The following RCC2 variants were observed in gnomAD, a reference collection of about 807,000 sequenced individuals.
The protein encoded by RCC2 is protein RCC2.
RCC2 carries 19 observed loss-of-function variants against 64.1 expected under a neutral mutation model. The ratio of observed to expected loss-of-function variants is 0.30; its 90% CI spans 0.21 to 0.44. The LOEUF is 0.44. Among genes scored for constraint, RCC2 ranks in the 20% least tolerant of loss-of-function variants. The pLI, the probability that RCC2 is intolerant of heterozygous loss-of-function variation, is 1.00. For missense variants in RCC2, 508 were observed against 710.4 expected, an observed-to-expected ratio of 0.72 and a Z score of 3.24; for synonymous variants, 325 against 279.6, an observed-to-expected ratio of 1.16 and a Z score of -1.62.
At chr1:17,413,905 T>G (rs929623353) in intron 8 of RCC2, among the ~76,000 whole-genome samples, 188 bp from the exon 9 acceptor site, 1 of 152,138 alleles carries the variant, frequency 6.6e-6, no homozygotes, top group Non-Finnish European at 1.5e-5. Context: ...CCAAGGTGGG[T>G]GGATCACTTG....
At chr1:17,416,457 A>T in intron 8 of RCC2, 23 bp downstream of exon 8, 1 of 1,596,100 alleles carries the variant, frequency 6.3e-7, no homozygotes, top group South Asian at 1.1e-5. Context: ...GACTCTCAGG[A>T]AGTGAGAAAA....
intron 10 of RCC2, among the ~76,000 whole-genome samples, chr1:17,412,787 C>A (rs556794176): frequency 6.6e-6 from 1 of 152,364 alleles, no homozygotes; most frequent in East Asian, 1.9e-4. Flanking sequence ...TTTCAACCTG[C>A]AGCGTAGGAA....
At position 17,414,579 on chromosome 1, in the gene RCC2, A is replaced by C. The variant is rs961059472; in HGVS notation, c.1027-862T>G. 3.3e-5 allele frequency among the ~76,000 whole-genome samples: 5 copies of C among 151,606 alleles called. No individual in the cohort carries two copies. In the East Asian group the frequency reaches 7.7e-4, roughly 23 times the overall value. ...AAAAAAAAAACACAACAAAAAAAAA[A>C]CAGATTCAATTGCAGAAAGAACAGA... On this transcript the variant is annotated intron_variant, in intron 8 of 12. Transcript: ENST00000375436.
chr1:17,416,079 G>GC (rs1491239504), intron 8 of RCC2, among the ~76,000 whole-genome samples: 34 of 13,022 alleles, frequency 2.6e-3, no homozygotes, highest in African/African-American at 6.7e-3. Context: ...AAAAAAAAAA[G>GC]GGGGGGGGGG....
intron 3 of RCC2, among the ~76,000 whole-genome samples, chr1:17,426,851 C>A (rs1332810528): frequency 6.6e-6 from 1 of 151,240 alleles, no homozygotes; most frequent in Non-Finnish European, 1.5e-5. Context: ...CAACCTCTGC[C>A]TCCCAGGTTC....
Position 17,406,911 on chromosome 1 carries a change from A to C in RCC2, c.*2179T>G, listed in dbSNP as rs2075366569. Reference sequence around the variant, plus strand: ...TCCCCTTCACGCTAAGCCTCTTTCAAATTCTTTTTCCTGAGCTGGAAGACC... The same window carrying C: ...TCCCCTTCACGCTAAGCCTCTTTCACATTCTTTTTCCTGAGCTGGAAGACC... On this transcript the variant is annotated 3_prime_UTR_variant, in exon 13 of 13. Transcript: ENST00000375436. 6.6e-6 allele frequency: 1 copy of C among 152,144 alleles called. No individual in the cohort carries two copies. The highest frequency in any genetic ancestry group is 2.4e-5 in the African/African-American group (1 of 41,434). The allele number at this position is 152,144 out of a possible 1,614,324, so 9.4% of individuals were successfully genotyped here.
intron 2 of RCC2, among the ~76,000 whole-genome samples, chr1:17,433,050 G>A (rs900681122): frequency 6.6e-6 from 1 of 152,076 alleles, no homozygotes; most frequent in Admixed American, 6.5e-5. Flanking sequence ...ACATACGTGT[G>A]TATACATATA....
At chr1:17,415,338 G>T (rs1460281792) in intron 8 of RCC2, among the ~76,000 whole-genome samples, 1 of 152,136 alleles carries the variant, frequency 6.6e-6, no homozygotes, top group African/African-American at 2.4e-5. Context: ...CCTAGCCCAG[G>T]CTTTTTCAAC....
At position 17,408,866 on chromosome 1, in the gene RCC2, T is replaced by A. The variant is rs2075394508; in HGVS notation, c.*224A>T. ...TGGTAAATCAACTATGAGCAAGTAT[T>A]TTAATTCAACATTAAGGGAAAAAAA... On this transcript the variant is annotated 3_prime_UTR_variant, in exon 13 of 13. Coordinates refer to ENST00000375436, the MANE Select transcript of RCC2 (RefSeq NM_018715.4). 4.0e-6 allele frequency: 2 copies of A among 500,130 alleles called. No homozygotes were observed. Among genetic ancestry groups the A allele is most frequent in the South Asian group, 3.5e-5 (1 of 28,462 alleles). 31.0% of individuals were successfully genotyped at this position (500,130 alleles called of 1,614,324 possible). A position where few individuals can be genotyped will look rare whatever the true frequency, so the allele number is the denominator to read the frequency against.
At chr1:17,425,119 G>A (rs528418945) in intron 4 of RCC2, among the ~76,000 whole-genome samples, 6 of 152,258 alleles carry the variant, frequency 3.9e-5, no homozygotes, top group East Asian at 1.9e-4. Context: ...GACATGAGGC[G>A]GGAGGTAGAA....
rs2075485646 is a variant in RCC2 at position 17,416,420 on chromosome 1, G to A, written c.1026+60C>T. ...CAAAGCCAAGCGTCAGGAAACTTGA[G>A]CATAAACACCCCTTCCATCCTGGTG... On this transcript the variant is annotated intron_variant, in intron 8 of 12. Transcript: ENST00000375436. The A allele has an allele frequency of 2.6e-6, 4 of 1,533,666 alleles. No individual in the cohort carries two copies. The East Asian group carries it at 9.1e-5, about 35-fold the overall frequency.
Position 17,420,708 on chromosome 1 carries a change from C to T in RCC2, c.859+6G>A. On this transcript the variant is annotated splice_donor_region_variant and intron_variant, in intron 7 of 12. Transcript: ENST00000375436. ...TACAGAGCTTTTAAAAAATGTACTT[C>T]CATACCCAGCTGACCATATTCAGGG... The T allele has an allele frequency of 6.4e-7, 1 of 1,567,790 alleles. No homozygotes were observed. The highest frequency in any genetic ancestry group is 8.7e-7 in the Non-Finnish European group (1 of 1,153,112).
Position 17,408,867 on chromosome 1 carries a change from T to A in RCC2, c.*223A>T. 2.0e-6 allele frequency: 1 copy of A among 501,094 alleles called. No homozygotes were observed. Among genetic ancestry groups the A allele is most frequent in the Non-Finnish European group, 3.5e-6 (1 of 281,968 alleles). 31.0% of individuals were successfully genotyped at this position (501,094 alleles called of 1,614,324 possible). A position where few individuals can be genotyped will look rare whatever the true frequency, so the allele number is the denominator to read the frequency against. On this transcript the variant is annotated 3_prime_UTR_variant, in exon 13 of 13. Coordinates refer to ENST00000375436, the MANE Select transcript of RCC2 (RefSeq NM_018715.4). ...GGTAAATCAACTATGAGCAAGTATTTTAATTCAACATTAAGGGAAAAAAAA... is the reference window on the plus strand; with the variant it reads ...GGTAAATCAACTATGAGCAAGTATTATAATTCAACATTAAGGGAAAAAAAA...
chr1:17,438,058 CT>C (rs2075758957), intron 2 of RCC2, among the ~76,000 whole-genome samples, 171 bp downstream of exon 2: 1 of 147,000 alleles, frequency 6.8e-6, no homozygotes. Context: ...GTACCGAGCC[CT>C]TTTGTTGCGC....
chr1:17,422,421 A>G, intron 5 of RCC2, 130 bp from the exon 6 acceptor site: 2 of 849,284 alleles, frequency 2.4e-6, no homozygotes, highest in Non-Finnish European at 3.7e-6. Context: ...GACTGCCCAA[A>G]AGCTGGCAGT....
At chr1:17,427,169 GA>G (rs568411045) in intron 3 of RCC2, among the ~76,000 whole-genome samples, 101 of 152,318 alleles carry the variant, frequency 6.6e-4, no homozygotes, top group Non-Finnish European at 1.1e-3. Flanking sequence ...TCCAATGTAG[GA>G]ACTGATAAAA....
At chr1:17,417,889 A>G (rs2075505921) in intron 7 of RCC2, among the ~76,000 whole-genome samples, 1 of 152,144 alleles carries the variant, frequency 6.6e-6, no homozygotes, top group East Asian at 1.9e-4. Context: ...TGGGGGGAGG[A>G]GGAAACAAGG....
intron 10 of RCC2, 48 bp from the exon 11 acceptor site, chr1:17,412,242 C>T (rs777149738): frequency 3.2e-5 from 51 of 1,579,522 alleles, no homozygotes; most frequent in Non-Finnish European, 4.1e-5. Context: ...CCCAGACCTG[C>T]ACCCACGCAG....
chr1:17,414,505 G>C (rs1003135666), intron 8 of RCC2, among the ~76,000 whole-genome samples: 2 of 150,026 alleles, frequency 1.3e-5, no homozygotes, highest in South Asian at 2.1e-4. Flanking sequence ...ACTCCAGCCT[G>C]GGTGACGGAA....
Sources: allele counts gnomAD v4.1 joint callset (sites outside exome capture counted in the v4.1 genomes callset), GRCh38; gene constraint gnomAD v4.1.1; transcripts MANE v1.5; gene names NCBI Gene and HGNC (gene_info 2026-07-23, HGNC 2026-07-21).